Variants in RBM27 observed in about 807,000 individuals in gnomAD.
The protein encoded by RBM27 is RNA-binding protein 27.
Under a neutral mutation model 135.3 loss-of-function variants are expected in RBM27, and 22 were observed. The ratio of observed to expected loss-of-function variants is 0.16; its 90% confidence interval spans 0.12 to 0.23. The LOEUF (loss-of-function observed/expected upper bound fraction) is 0.23, where lower values mean the gene tolerates loss of function less well. Ranked by LOEUF, RBM27 falls within the 10% of genes least tolerant of loss-of-function variation. The probability of loss-of-function intolerance (pLI) is 1.00; values close to 1 mark genes in which losing one functional copy is unlikely to be tolerated. For synonymous variants in RBM27, 481 were observed against 442.4 expected (o/e 1.09, Z -1.10); for missense variants, 1,009 against 1,281.0 (o/e 0.79, Z 3.24).
At chr5:146,235,648 T>G (rs934429683) in intron 7 of RBM27, among the ~76,000 whole-genome samples, 8 of 150,932 alleles carry the variant, frequency 5.3e-5, no homozygotes, top group Non-Finnish European at 7.4e-5. Flanking sequence ...ATGTTGTTGT[T>G]TTTTTTTAAC....
At chr5:146,206,814 C>G (rs1755700160) in intron 1 of RBM27, among the ~76,000 whole-genome samples, 2 of 151,946 alleles carry the variant, frequency 1.3e-5, no homozygotes, top group African/African-American at 4.8e-5. Flanking sequence ...AGTTCTTGAC[C>G]TCAGGTGATC....
intron 19 of RBM27, among the ~76,000 whole-genome samples, chr5:146,280,280 C>T (rs1488256512): frequency 6.6e-6 from 1 of 152,080 alleles, no homozygotes; most frequent in African/African-American, 2.4e-5. Flanking sequence ...TGGTCTCAAA[C>T]TCCTGAACTC....
At chr5:146,262,161 C>G (rs1161421993) in intron 13 of RBM27, among the ~76,000 whole-genome samples, 1 of 152,178 alleles carries the variant, frequency 6.6e-6, no homozygotes, top group African/African-American at 2.4e-5. Flanking sequence ...TCTCAAACCT[C>G]TGTAGAGTCA....
chr5:146,267,608 A>G (rs1758669946), intron 14 of RBM27, 41 bp from the exon 15 acceptor site: 2 of 1,275,218 alleles, frequency 1.6e-6, no homozygotes, highest in African/African-American at 3.0e-5. Context: ...CTAAGATATA[A>G]TTATATTTGT....
At chr5:146,240,515 TG>T (rs1757362631) in intron 8 of RBM27, among the ~76,000 whole-genome samples, 2 of 152,098 alleles carry the variant, frequency 1.3e-5, no homozygotes, top group Non-Finnish European at 1.5e-5. Flanking sequence ...TTAGTAGAGA[TG>T]GGGTTTTGCC....
rs182270937 is a variant in RBM27, at chr5:146,279,854, T to C, written c.2989-4768T>C. Among the ~76,000 whole-genome samples the C allele has an allele frequency of 1.3e-4, 19 of 151,942 alleles. No homozygotes were observed. In the East Asian group the frequency reaches 3.3e-3, roughly 26 times the overall value. On this transcript the variant is annotated intron_variant, in intron 19 of 20. Coordinates refer to ENST00000265271, the MANE Select transcript of RBM27 (RefSeq NM_018989.2). ...ATGACTAATAAAAGTAAAATCTCCCTTTTATTAATCTTTTTCCATTCTTAA... is the reference window on the plus strand; with the variant it reads ...ATGACTAATAAAAGTAAAATCTCCCCTTTATTAATCTTTTTCCATTCTTAA...
intron 11 of RBM27, among the ~76,000 whole-genome samples, chr5:146,258,812 G>A (rs1758233513): frequency 6.6e-6 from 1 of 150,976 alleles, no homozygotes; most frequent in African/African-American, 2.4e-5. Context: ...AGGCTGGAGT[G>A]CAATGGTATA....
At chr5:146,283,430 G>A (rs1433175910) in intron 19 of RBM27, among the ~76,000 whole-genome samples, 1 of 152,072 alleles carries the variant, frequency 6.6e-6, no homozygotes, top group Non-Finnish European at 1.5e-5. Context: ...TCAGCTCCTT[G>A]GGAAGCTGAA....
At chr5:146,216,734 T>A (rs1756209404) in intron 1 of RBM27, among the ~76,000 whole-genome samples, 1 of 152,178 alleles carries the variant, frequency 6.6e-6, no homozygotes, top group East Asian at 1.9e-4. Flanking sequence ...CATGGCTCAC[T>A]GCAGCCTTGA....
At chr5:146,223,357 T>C in intron 2 of RBM27, 46 bp from the exon 3 acceptor site, 2 of 1,544,832 alleles carry the variant, frequency 1.3e-6, no homozygotes, top group Non-Finnish European at 1.7e-6. Flanking sequence ...TGTCAAATTT[T>C]TGTTTTTTGT....
At chr5:146,223,671 A>G in intron 3 of RBM27, 144 bp downstream of exon 3, 1 of 919,046 alleles carries the variant, frequency 1.1e-6, no homozygotes, top group South Asian at 2.4e-5. Flanking sequence ...CTTCATCAGG[A>G]TTTCATAGTT....
At chr5:146,266,730 G>A (rs561739084) in intron 14 of RBM27, among the ~76,000 whole-genome samples, 7 of 152,104 alleles carry the variant, frequency 4.6e-5, no homozygotes, top group African/African-American at 1.4e-4. Context: ...GAGCCTAGGA[G>A]TTTGAGACCA....
chr5:146,248,684 T>G (rs564822643), intron 8 of RBM27, among the ~76,000 whole-genome samples: 21 of 152,346 alleles, frequency 1.4e-4, no homozygotes, highest in African/African-American at 4.6e-4. Context: ...CAGCCTGGTC[T>G]CAAATTCCTG....
At chr5:146,251,411 G>C (rs1757878846) in intron 8 of RBM27, among the ~76,000 whole-genome samples, 1 of 151,994 alleles carries the variant, frequency 6.6e-6, no homozygotes. Flanking sequence ...AACCTGATAT[G>C]GTTCACTGTT....
rs1447515568 is a variant in RBM27, at chr5:146,231,023, CTTATT to C, written c.850+113_850+117del. The C allele has an allele frequency of 2.5e-5, 32 of 1,300,822 alleles. No individual in the cohort carries two copies. The African/African-American group carries it at 4.1e-4, about 17-fold the overall frequency. The allele number at this position is 1,300,822 out of a possible 1,614,324, so 80.6% of individuals were successfully genotyped here. A position where few individuals can be genotyped will look rare whatever the true frequency, so the allele number is the denominator to read the frequency against. On this transcript the variant is annotated intron_variant, in intron 6 of 20. Coordinates refer to ENST00000265271, the MANE Select transcript of RBM27 (RefSeq NM_018989.2). ...TATAGTCCAGTTTATTTTATTTTAT[CTTATT>C]TTATTTATTTTGAGACAGAGTCTTG...
chr5:146,271,578 C>T lies in RBM27; in HGVS notation c.2892C>T (p.Gly964=), dbSNP rs1758866594. Reference sequence around the variant, plus strand: ...GAGGGCGTGGAGGAAGAGGAAGGGGCTCACTAAATCACATGGTGGTGGACC... The same window carrying T: ...GAGGGCGTGGAGGAAGAGGAAGGGGTTCACTAAATCACATGGTGGTGGACC... ...RGRGRGGRGR[G]SLNHMVVDHR... is the part of the protein sequence containing the mutation. Residue 964 remains glycine (G), a synonymous_variant, in exon 19 of 21, where the codon GGC becomes GGT. Transcript: ENST00000265271. 1 of 1,613,422 alleles carries T rather than the reference C, an allele frequency of 6.2e-7. No homozygotes were observed. The highest frequency in any genetic ancestry group is 1.1e-5 in the South Asian group (1 of 91,052).
intron 1 of RBM27, among the ~76,000 whole-genome samples, chr5:146,211,655 A>G (rs1004231611): frequency 6.0e-5 from 9 of 150,780 alleles, no homozygotes; most frequent in Non-Finnish European, 1.0e-4. Context: ...CTAATTTTGT[A>G]TTTTTGGTAG....
chr5:146,224,704 G>A (rs997972735), intron 3 of RBM27, among the ~76,000 whole-genome samples: 1 of 151,640 alleles, frequency 6.6e-6, no homozygotes, highest in African/African-American at 2.4e-5. Flanking sequence ...AAAAAATTAC[G>A]AGAATAATAC....
chr5:146,285,617 A>G (rs769236680), intron 20 of RBM27, among the ~76,000 whole-genome samples: 1 of 152,124 alleles, frequency 6.6e-6, no homozygotes, highest in Non-Finnish European at 1.5e-5. Context: ...CTAATTTTTT[A>G]TAGAATAAAA....
Sources: allele counts gnomAD v4.1 joint callset (sites outside exome capture counted in the v4.1 genomes callset), GRCh38; gene constraint gnomAD v4.1.1; transcripts MANE v1.5; gene names NCBI Gene and HGNC (gene_info 2026-07-23, HGNC 2026-07-21).